Variants in MACC1 observed in about 807,000 individuals in gnomAD.
MACC1 encodes the protein metastasis-associated in colon cancer protein 1.
MACC1 carries 79 observed loss-of-function variants against 70.7 expected under a neutral mutation model. The ratio of observed to expected loss-of-function variants is 1.12; its 90% CI spans 0.93 to 1.35. The LOEUF is 1.35. MACC1 is among the 40% of genes most tolerant of loss of function. The pLI is 0.00. For synonymous variants in MACC1, 361 were observed against 347.2 expected (o/e 1.04, Z -0.44); for missense variants, 1,106 against 978.1 (o/e 1.13, Z -1.74).
At chr7:20,155,344 A>G (rs1782039967) in intron 5 of MACC1, among the ~76,000 whole-genome samples, 1 of 152,242 alleles carries the variant, frequency 6.6e-6, no homozygotes, top group Non-Finnish European at 1.5e-5. Flanking sequence ...TCCTATACAT[A>G]CACACCTATG....
At chr7:20,157,649 GC>G (rs1213370898) in intron 5 of MACC1, among the ~76,000 whole-genome samples, 103 of 150,168 alleles carry the variant, frequency 6.9e-4, no homozygotes, top group African/African-American at 2.5e-3. Context: ...CCCAGGCATG[GC>G]GGCACATGCC....
At chr7:20,151,508 C>A (rs1781978043) in intron 6 of MACC1, among the ~76,000 whole-genome samples, 1 of 152,170 alleles carries the variant, frequency 6.6e-6, no homozygotes, top group African/African-American at 2.4e-5. Flanking sequence ...CCAAGCTTTA[C>A]AGCTTTGCTT....
intron 6 of MACC1, among the ~76,000 whole-genome samples, chr7:20,152,861 A>G (rs546895749): frequency 4.9e-4 from 75 of 152,356 alleles, no homozygotes; most frequent in African/African-American, 1.8e-3. Context: ...GAACCTTATT[A>G]AGAAAAAAAG....
chr7:20,214,206 C>A (rs983729416), intron 1 of MACC1, among the ~76,000 whole-genome samples: 2 of 152,118 alleles, frequency 1.3e-5, no homozygotes, highest in Non-Finnish European at 2.9e-5. Context: ...CCCCTGTTAT[C>A]CAGCCGCTGA....
At chr7:20,180,408 A>G (rs1782484789) in intron 1 of MACC1, among the ~76,000 whole-genome samples, 1 of 151,806 alleles carries the variant, frequency 6.6e-6, no homozygotes, top group African/African-American at 2.4e-5. Flanking sequence ...GCGCCACTGT[A>G]CTTCAGCCTT....
intron 5 of MACC1, 61 bp downstream of exon 5, chr7:20,158,143 A>G: frequency 4.6e-6 from 7 of 1,506,572 alleles, no homozygotes; most frequent in Non-Finnish European, 6.2e-6. Context: ...TCAGTTATAA[A>G]TATTGTCAAG....
At chr7:20,181,220 A>G (rs1228152372) in intron 1 of MACC1, among the ~76,000 whole-genome samples, 1 of 152,104 alleles carries the variant, frequency 6.6e-6, no homozygotes, top group Non-Finnish European at 1.5e-5. Flanking sequence ...ATTTGATTCC[A>G]TATCAGGTTC....
intron 6 of MACC1, among the ~76,000 whole-genome samples, chr7:20,153,965 A>G (rs1291081351): frequency 2.6e-5 from 4 of 152,200 alleles, no homozygotes; most frequent in Non-Finnish European, 5.9e-5. Context: ...CCATGAGAAT[A>G]TGAAATCCAA....
At chr7:20,169,246 T>C (rs1325058655) in intron 2 of MACC1, among the ~76,000 whole-genome samples, 1 of 152,216 alleles carries the variant, frequency 6.6e-6, no homozygotes, top group Non-Finnish European at 1.5e-5. Flanking sequence ...AAGCAAACTC[T>C]GAGAAATAAA....
intron 1 of MACC1, among the ~76,000 whole-genome samples, chr7:20,202,273 T>G (rs1249910104): frequency 6.6e-6 from 1 of 152,230 alleles, no homozygotes; most frequent in African/African-American, 2.4e-5. Context: ...TAAGTTCATT[T>G]TATGGATTGT....
At position 20,138,866 on chromosome 7, in the gene MACC1, G is replaced by A. The variant is rs2128099236; in HGVS notation, c.*2080C>T. On this transcript the variant is annotated 3_prime_UTR_variant, in exon 7 of 7. Transcript: ENST00000400331. ...TTTTTGTATTTTTAGTAGAGACGGG[G>A]TTTCACCGCGTTAGCCAGGATGGTC... The A allele has an allele frequency of 6.6e-6, 1 of 152,234 alleles. No individual in the cohort carries two copies. The highest frequency in any genetic ancestry group is 2.1e-4 in the South Asian group (1 of 4,822). 9.4% of individuals were successfully genotyped at this position (152,234 alleles called of 1,614,324 possible).
chr7:20,184,127 T>G (rs538125267), intron 1 of MACC1, among the ~76,000 whole-genome samples: 12 of 152,272 alleles, frequency 7.9e-5, no homozygotes, highest in African/African-American at 2.9e-4. Flanking sequence ...CAAACACACT[T>G]AAAAAAATTA....
At chr7:20,196,578 G>T (rs990337904) in intron 1 of MACC1, among the ~76,000 whole-genome samples, 4 of 151,892 alleles carry the variant, frequency 2.6e-5, no homozygotes, top group African/African-American at 7.2e-5. Context: ...GCCGGGTGCG[G>T]CCGGCCCATT....
At chr7:20,177,919 T>C (rs1040799885) in intron 1 of MACC1, among the ~76,000 whole-genome samples, 1 of 152,144 alleles carries the variant, frequency 6.6e-6, no homozygotes, top group African/African-American at 2.4e-5. Flanking sequence ...TTTAAATAGT[T>C]GAGTTCCATC....
chr7:20,161,842 T>A lies in MACC1; in HGVS notation c.21A>T (p.Lys7Asn). 2 of 1,611,754 alleles carry A rather than the reference T, an allele frequency of 1.2e-6. No individual in the cohort carries two copies. Among genetic ancestry groups the A allele is most frequent in the Non-Finnish European group, 1.7e-6 (2 of 1,178,256 alleles). Residue 7 changes from lysine (K) to asparagine (N), a missense_variant, in exon 4 of 7, where the codon AAA (lysine) becomes AAT (asparagine). By Grantham distance (94) the Lys-to-Asn change is moderately conservative. Coordinates refer to ENST00000400331, the MANE Select transcript of MACC1 (RefSeq NM_182762.4). ...GTGCAATTCTTCCTGACCGAAAATG[T>A]TTTCTTTCAGTGATTAGCATTTTTC... The part of the protein sequence containing the change: MLITER[K>N]HFRSGRIAQS...
chr7:20,147,477 G>GT (rs1781910342), intron 6 of MACC1: 1 of 152,192 alleles, frequency 6.6e-6, no homozygotes, highest in Admixed American at 6.5e-5. Context: ...TTAAGGCAAG[G>GT]TTGCCTTCTT....
intron 1 of MACC1, among the ~76,000 whole-genome samples, chr7:20,186,308 C>T (rs968470162): frequency 4.6e-5 from 7 of 152,112 alleles, no homozygotes; most frequent in Non-Finnish European, 8.8e-5. Flanking sequence ...TGACCAACAA[C>T]ATTCTAAATA....
In MACC1 at chr7:20,135,558, T is replaced by A. The variant is rs1487153932; in HGVS notation, c.*5388A>T. On this transcript the variant is annotated 3_prime_UTR_variant, in exon 7 of 7. Coordinates refer to ENST00000400331, the MANE Select transcript of MACC1 (RefSeq NM_182762.4). ...AGAAACATCTGCATCACCTGGGAAGTGATTAGAAATGCAAGTGATCAGGCC... is the reference window on the plus strand; with the variant it reads ...AGAAACATCTGCATCACCTGGGAAGAGATTAGAAATGCAAGTGATCAGGCC... 1 of 152,128 alleles carries A rather than the reference T, an allele frequency of 6.6e-6. No homozygotes were observed. The highest frequency in any genetic ancestry group is 1.5e-5 in the Non-Finnish European group (1 of 68,030). 9.4% of individuals were successfully genotyped at this position (152,128 alleles called of 1,614,324 possible).
intron 1 of MACC1, among the ~76,000 whole-genome samples, chr7:20,215,502 A>G (rs1381748337): frequency 6.6e-6 from 1 of 152,202 alleles, no homozygotes; most frequent in Non-Finnish European, 1.5e-5. Flanking sequence ...CCACCTTTGG[A>G]GAATTACAAG....
Sources: gnomAD v4.1 joint callset for allele counts (sites outside exome capture counted in the v4.1 genomes callset) on GRCh38, gnomAD v4.1.1 for gene constraint, MANE v1.5 for transcripts, NCBI Gene and HGNC (gene_info 2026-07-23, HGNC 2026-07-21) for gene names.